Variants in PDE1C observed in about 807,000 individuals in gnomAD.
PDE1C encodes the protein phosphodiesterase 1C, also known as dual specificity calcium/calmodulin-dependent 3',5'-cyclic nucleotide phosphodiesterase 1C.
In PDE1C, 62 loss-of-function variants were observed where a neutral mutation model predicts 93.1. That is an observed-to-expected ratio of 0.67 (90% CI 0.54 to 0.82). The LOEUF is 0.82. PDE1C is among the 40% of genes least tolerant of loss of function. PDE1C has a pLI of 0.00. For synonymous variants in PDE1C, 325 were observed against 310.1 expected (o/e 1.05, Z -0.50); for missense variants, 742 against 884.6 (o/e 0.84, Z 2.04).
intron 2 of PDE1C, among the ~76,000 whole-genome samples, chr7:32,034,733 G>T (rs1332367748): frequency 6.6e-6 from 1 of 152,146 alleles, no homozygotes; most frequent in Non-Finnish European, 1.5e-5. Context: ...AGGCAAGGTA[G>T]CATAAGAGTT....
intron 16 of PDE1C, chr7:31,788,573 C>A (rs545559179): frequency 5.9e-5 from 9 of 152,274 alleles, no homozygotes; most frequent in African/African-American, 2.2e-4. Flanking sequence ...CCCCATTGCT[C>A]CTTCCTGTCT....
chr7:32,286,247 A>G (rs375141590), intron 1 of PDE1C, among the ~76,000 whole-genome samples: 3 of 152,236 alleles, frequency 2.0e-5, no homozygotes, highest in East Asian at 1.9e-4. Context: ...TACTGAAGAT[A>G]TGTCCCACAG....
chr7:32,384,993 G>A (rs1784597363), intron 1 of PDE1C, among the ~76,000 whole-genome samples: 1 of 152,176 alleles, frequency 6.6e-6, no homozygotes, highest in Non-Finnish European at 1.5e-5. Flanking sequence ...AGGAGGCGGG[G>A]ATACTAGTTG....
chr7:32,385,528 G>T (rs1784607759), intron 1 of PDE1C, among the ~76,000 whole-genome samples: 2 of 152,158 alleles, frequency 1.3e-5, no homozygotes, highest in African/African-American at 2.4e-5. Context: ...GCATGATTGG[G>T]ACCTGCTGGG....
At chr7:31,853,689 T>A (rs961982609) in intron 7 of PDE1C, among the ~76,000 whole-genome samples, 1 of 150,878 alleles carries the variant, frequency 6.6e-6, no homozygotes, top group South Asian at 2.1e-4. Context: ...AAAAGCAGGG[T>A]TTTTTTGTTT....
intron 11 of PDE1C, among the ~76,000 whole-genome samples, chr7:31,833,053 TG>T (rs1276146563): frequency 6.6e-6 from 1 of 152,130 alleles, no homozygotes; most frequent in African/African-American, 2.4e-5. Context: ...AGGGAGCCCG[TG>T]GGAGATAATT....
At chr7:31,924,103 A>G (rs970702863) in intron 2 of PDE1C, among the ~76,000 whole-genome samples, 1 of 152,182 alleles carries the variant, frequency 6.6e-6, no homozygotes, top group Non-Finnish European at 1.5e-5. Context: ...ACTTAACTTC[A>G]GTAGAGGAGG....
At chr7:32,232,428 A>G (rs1159949182) in intron 1 of PDE1C, among the ~76,000 whole-genome samples, 2 of 152,236 alleles carry the variant, frequency 1.3e-5, no homozygotes, top group African/African-American at 4.8e-5. Context: ...CTGACCAGAG[A>G]AACAGTGGTC....
chr7:32,398,007 G>GC (rs1784867343), intron 1 of PDE1C, among the ~76,000 whole-genome samples: 1 of 152,092 alleles, frequency 6.6e-6, no homozygotes. Flanking sequence ...AAAAAAATTA[G>GC]CCGGGGGTGG....
At position 32,425,547 on chromosome 7, in the gene PDE1C, A is replaced by G. The variant is rs370761744; in HGVS notation, c.310+2275T>C. Among the ~76,000 whole-genome samples, 52 of 152,354 alleles carry G rather than the reference A, an allele frequency of 3.4e-4. 3 individuals are homozygous for G. The highest frequency in any genetic ancestry group is 1.2e-3 in the African/African-American group (50 of 41,588). On this transcript the variant is annotated intron_variant, in intron 1 of 1. Coordinates refer to the PDE1C transcript ENST00000672256. The stretch of plus-strand genomic sequence containing the variant: ...AAAGTTAAAGTTAAAAGTATTTCCA[A>G]GGTGTCGTCAAATCCAGAACGAATC...
intron 2 of PDE1C, among the ~76,000 whole-genome samples, chr7:32,050,446 A>G (rs536013797): frequency 2.6e-5 from 4 of 152,298 alleles, no homozygotes; most frequent in South Asian, 2.1e-4. Flanking sequence ...TTATTGTCCA[A>G]TGAAATTTGT....
chr7:32,070,156 A>C (rs1795859623), intron 1 of PDE1C, 137 bp downstream of exon 1: 1 of 1,431,380 alleles, frequency 7.0e-7, no homozygotes, highest in Non-Finnish European at 9.4e-7. Flanking sequence ...TAATTAACAG[A>C]GCAGCAGTTG....
intron 1 of PDE1C, among the ~76,000 whole-genome samples, chr7:32,331,945 C>A (rs1783524257): frequency 6.6e-6 from 1 of 152,188 alleles, no homozygotes; most frequent in Non-Finnish European, 1.5e-5. Flanking sequence ...CCTAAAAGGT[C>A]TTTCCCACAT....
intron 7 of PDE1C, among the ~76,000 whole-genome samples, chr7:31,852,071 G>A (rs1012469956): frequency 7.2e-5 from 11 of 152,130 alleles, no homozygotes; most frequent in East Asian, 3.9e-4. Flanking sequence ...TTAAGTTAAC[G>A]CAAAATGAGT....
At chr7:32,089,832 C>T (rs1797363438) in intron 3 of PDE1C, among the ~76,000 whole-genome samples, 1 of 152,208 alleles carries the variant, frequency 6.6e-6, no homozygotes, top group South Asian at 2.1e-4. Flanking sequence ...AATCACATAT[C>T]TGGGAAACTC....
intron 17 of PDE1C, among the ~76,000 whole-genome samples, chr7:31,754,898 CTATT>C (rs762235213): frequency 4.6e-5 from 7 of 152,148 alleles, no homozygotes; most frequent in Non-Finnish European, 1.0e-4. Flanking sequence ...AATAAAAAAA[CTATT>C]TAAGAGGTCG....
chr7:31,959,928 T>C (rs1808691495), intron 2 of PDE1C, among the ~76,000 whole-genome samples: 1 of 151,950 alleles, frequency 6.6e-6, no homozygotes, highest in Non-Finnish European at 1.5e-5. Flanking sequence ...TGCAATGGCA[T>C]GATCTTGGCT....
chr7:32,070,409 AC>A (rs774384115), upstream of PDE1C: 2 of 1,613,954 alleles, frequency 1.2e-6, no homozygotes, highest in South Asian at 2.2e-5. Flanking sequence ...CAGGTAGGTG[AC>A]CACTGGCGGT....
chr7:31,764,474 T>C (rs10271159), intron 17 of PDE1C, among the ~76,000 whole-genome samples: 19,835 of 152,068 alleles, frequency 0.13, 1,607 homozygotes, highest in Non-Finnish European at 0.18. Flanking sequence ...ACACCTAACC[T>C]CAAGTACAAA....
Sources: gnomAD v4.1 joint callset for allele counts (sites outside exome capture counted in the v4.1 genomes callset) on GRCh38, gnomAD v4.1.1 for gene constraint, MANE v1.5 for transcripts, NCBI Gene and HGNC (gene_info 2026-07-23, HGNC 2026-07-21) for gene names.